The following CACNA2D3 variants were observed in gnomAD, a reference collection of about 807,000 sequenced individuals.
The protein encoded by CACNA2D3 is calcium voltage-gated channel auxiliary subunit alpha2delta 3, also known as voltage-dependent calcium channel subunit alpha-2/delta-3.
In CACNA2D3, 60 loss-of-function variants were observed where a neutral mutation model predicts 160.6. The ratio of observed to expected loss-of-function variants is 0.37; its 90% CI spans 0.30 to 0.46. The LOEUF (loss-of-function observed/expected upper bound fraction) is 0.46. Among genes scored for constraint, CACNA2D3 ranks in the 20% least tolerant of loss-of-function variants. CACNA2D3 has a pLI of 1.00. For missense variants in CACNA2D3, 1,205 were observed against 1,365.0 expected (o/e 0.88, Z 1.85); for synonymous variants, 558 against 492.9 (o/e 1.13, Z -1.75).
chr3:54,694,456 A>G (rs577579156), intron 11 of CACNA2D3, among the ~76,000 whole-genome samples: 75 of 152,230 alleles, frequency 4.9e-4, no homozygotes, highest in Non-Finnish European at 1.0e-3. Context: ...TTATAACTTT[A>G]TAGAAAATAC....
chr3:54,776,897 T>G (rs572122175), intron 13 of CACNA2D3, among the ~76,000 whole-genome samples: 13 of 152,262 alleles, frequency 8.5e-5, no homozygotes, highest in African/African-American at 3.1e-4. Context: ...GAGGAAGATA[T>G]TTTGGCCAAC....
At chr3:54,899,933 C>A in intron 27 of CACNA2D3, 65 bp downstream of exon 27, 2 of 1,195,228 alleles carry the variant, frequency 1.7e-6, no homozygotes, top group Non-Finnish European at 2.4e-6. Flanking sequence ...GGCCAGTGGG[C>A]TACTTCTGTG....
intron 11 of CACNA2D3, among the ~76,000 whole-genome samples, chr3:54,686,251 T>C (rs1042925538): frequency 2.6e-5 from 4 of 152,186 alleles, no homozygotes; most frequent in Non-Finnish European, 4.4e-5. Context: ...TGTGGCTGAG[T>C]TGAATAGTTG....
At chr3:54,299,778 AATAGAAG>A (rs1192925095) in intron 2 of CACNA2D3, among the ~76,000 whole-genome samples, 5 of 152,238 alleles carry the variant, frequency 3.3e-5, no homozygotes, top group African/African-American at 4.8e-5. Flanking sequence ...TATAGAATGA[AATAGAAG>A]TGAATTAACA....
chr3:54,969,835 T>C lies in CACNA2D3; in HGVS notation c.2547T>C (p.Cys849=). ...ASLDGKCSIS[C]DDETVNCYLI... ...TGGATGGCAAATGCTCCATCAGCTGTGATGATGAGGTAAGACGGCCTCCTG... is the reference window on the plus strand; with the variant it reads ...TGGATGGCAAATGCTCCATCAGCTGCGATGATGAGGTAAGACGGCCTCCTG... The change falls in exon 29 of 38, where the codon TGT becomes TGC. Residue 849 remains cysteine, a synonymous_variant. Coordinates refer to ENST00000474759, the MANE Select transcript of CACNA2D3 (RefSeq NM_018398.3). 3 of 1,613,186 alleles carry C rather than the reference T, an allele frequency of 1.9e-6. No homozygotes were observed. The highest frequency in any genetic ancestry group is 2.5e-6 in the Non-Finnish European group (3 of 1,179,400).
chr3:54,234,689 T>A (rs1342902076), intron 2 of CACNA2D3, among the ~76,000 whole-genome samples: 2 of 152,140 alleles, frequency 1.3e-5, no homozygotes. Context: ...TATAAAAGAA[T>A]GAGATCATGT....
At chr3:54,227,699 C>T (rs1019398207) in intron 2 of CACNA2D3, among the ~76,000 whole-genome samples, 10 of 152,038 alleles carry the variant, frequency 6.6e-5, no homozygotes, top group Non-Finnish European at 1.3e-4. Flanking sequence ...GGATTACAGG[C>T]GTGCACCACT....
chr3:54,826,213 A>G (rs1438202479), intron 14 of CACNA2D3, among the ~76,000 whole-genome samples: 1 of 152,050 alleles, frequency 6.6e-6, no homozygotes, highest in Non-Finnish European at 1.5e-5. Context: ...CAATTAATGG[A>G]TATATATCCA....
At chr3:54,852,639 G>T (rs571787019) in intron 17 of CACNA2D3, among the ~76,000 whole-genome samples, 4 of 152,192 alleles carry the variant, frequency 2.6e-5, no homozygotes, top group African/African-American at 7.2e-5. Flanking sequence ...TGGATTCCTG[G>T]GCAGTGCACG....
chr3:54,844,801 G>T (rs547076745), intron 16 of CACNA2D3, among the ~76,000 whole-genome samples: 1 of 152,100 alleles, frequency 6.6e-6, no homozygotes, highest in South Asian at 2.1e-4. Flanking sequence ...ACAAGCAAAA[G>T]AAGAAGAACC....
intron 4 of CACNA2D3, among the ~76,000 whole-genome samples, chr3:54,387,053 A>G (rs563677029): frequency 6.6e-6 from 1 of 152,248 alleles, no homozygotes; most frequent in Non-Finnish European, 1.5e-5. Flanking sequence ...AACTGACAAT[A>G]ATCACCAGAT....
chr3:54,349,937 C>T (rs1698524101), intron 3 of CACNA2D3, among the ~76,000 whole-genome samples: 1 of 152,222 alleles, frequency 6.6e-6, no homozygotes, highest in Admixed American at 6.5e-5. Flanking sequence ...TTAACACATT[C>T]CTTGGACAGA....
chr3:54,226,368 T>C (rs1701673514), intron 2 of CACNA2D3, among the ~76,000 whole-genome samples: 3 of 141,344 alleles, frequency 2.1e-5, no homozygotes, highest in Non-Finnish European at 4.5e-5. Flanking sequence ...TGGAATGCAG[T>C]GGCATTATCA....
chr3:54,753,309 G>A (rs75746366), intron 12 of CACNA2D3, among the ~76,000 whole-genome samples: 3 of 152,204 alleles, frequency 2.0e-5, no homozygotes, highest in Non-Finnish European at 4.4e-5. Flanking sequence ...TAGCCTTCTT[G>A]CCTATAGGTG....
intron 4 of CACNA2D3, among the ~76,000 whole-genome samples, chr3:54,471,168 C>T (rs1490938999): frequency 3.3e-5 from 5 of 152,182 alleles, no homozygotes; most frequent in African/African-American, 1.2e-4. Flanking sequence ...AAGTAAAACA[C>T]TCCTCAGCAA....
At chr3:54,482,196 G>C (rs936545292) in intron 4 of CACNA2D3, among the ~76,000 whole-genome samples, 3 of 152,208 alleles carry the variant, frequency 2.0e-5, no homozygotes, top group African/African-American at 7.2e-5. Flanking sequence ...TGGGAGCAGA[G>C]GAGGGGCAGT....
At chr3:54,195,612 A>G (rs1576991887) in intron 2 of CACNA2D3, among the ~76,000 whole-genome samples, 1 of 152,202 alleles carries the variant, frequency 6.6e-6, no homozygotes, top group East Asian at 1.9e-4. Context: ...TAAGGTGCCC[A>G]AGGTCCTGTG....
intron 4 of CACNA2D3, among the ~76,000 whole-genome samples, 187 bp downstream of exon 4, chr3:54,386,961 T>C (rs766214794): frequency 2.0e-5 from 3 of 152,200 alleles, no homozygotes; most frequent in Admixed American, 6.5e-5. Flanking sequence ...GTGACAGTTA[T>C]AATGGGTGAT....
chr3:54,480,402 C>T (rs1011109685), intron 4 of CACNA2D3, among the ~76,000 whole-genome samples: 13 of 152,240 alleles, frequency 8.5e-5, no homozygotes, highest in Non-Finnish European at 1.2e-4. Flanking sequence ...ACCCCACAGT[C>T]GCAAGTTCTT....
Sources: gnomAD v4.1 joint callset for allele counts (sites outside exome capture counted in the v4.1 genomes callset) on GRCh38, gnomAD v4.1.1 for gene constraint, MANE v1.5 for transcripts, NCBI Gene and HGNC (gene_info 2026-07-23, HGNC 2026-07-21) for gene names.